USH2A: variants seen among roughly 807,000 people sequenced by gnomAD.
The protein encoded by USH2A is Usher syndrome 2A (autosomal recessive, mild).
USH2A carries 443 observed loss-of-function variants against 538.9 expected under a neutral mutation model. That is an observed-to-expected ratio of 0.82 (90% confidence interval 0.76 to 0.89). The LOEUF (loss-of-function observed/expected upper bound fraction) is 0.89. USH2A is among the 40% of genes least tolerant of loss of function. USH2A has a pLI of 0.00. For synonymous variants in USH2A, 2,413 were observed against 2,273.5 expected (o/e 1.06, Z -1.75); for missense variants, 6,633 against 6,324.8 (o/e 1.05, Z -1.65).
intron 19 of USH2A, among the ~76,000 whole-genome samples, chr1:216,191,902 T>A (rs1327766257): frequency 3.9e-5 from 6 of 152,074 alleles, no homozygotes; most frequent in Admixed American, 1.3e-4. Context: ...TCTACACTAA[T>A]ATTTATTTTG....
chr1:216,108,672 T>C (rs1028420477), intron 21 of USH2A, among the ~76,000 whole-genome samples: 1 of 152,056 alleles, frequency 6.6e-6, no homozygotes, highest in African/African-American at 2.4e-5. Flanking sequence ...TTTCTTTGGT[T>C]ACTTCATAAT....
At chr1:215,755,362 A>G (rs1571653258) in intron 58 of USH2A, among the ~76,000 whole-genome samples, 1 of 152,016 alleles carries the variant, frequency 6.6e-6, no homozygotes, top group South Asian at 2.1e-4. Context: ...TACCTAGAAA[A>G]CTCTTTATAT....
chr1:216,342,955 A>G (rs1021864639), intron 4 of USH2A, among the ~76,000 whole-genome samples: 1 of 152,078 alleles, frequency 6.6e-6, no homozygotes, highest in Non-Finnish European at 1.5e-5. Flanking sequence ...CCTATGTAAC[A>G]AACTTTCACG....
chr1:216,245,724 C>A (rs1213595597), intron 13 of USH2A, among the ~76,000 whole-genome samples: 1 of 152,082 alleles, frequency 6.6e-6, no homozygotes, highest in Non-Finnish European at 1.5e-5. Flanking sequence ...ACACACTGAC[C>A]AATGCCAAAG....
At chr1:216,315,121 T>G (rs1293560300) in intron 9 of USH2A, among the ~76,000 whole-genome samples, 3 of 152,196 alleles carry the variant, frequency 2.0e-5, no homozygotes, top group Non-Finnish European at 4.4e-5. Context: ...AAAGAAGTAA[T>G]AAATATATTA....
chr1:216,145,283 T>G (rs1335019465), intron 21 of USH2A, among the ~76,000 whole-genome samples: 2 of 152,166 alleles, frequency 1.3e-5, no homozygotes, highest in Non-Finnish European at 2.9e-5. Flanking sequence ...CTGTCCTAAC[T>G]AGCTGTGATC....
At chr1:216,415,667 C>T (rs763850320) in intron 3 of USH2A, among the ~76,000 whole-genome samples, 21 of 151,800 alleles carry the variant, frequency 1.4e-4, no homozygotes, top group South Asian at 4.2e-4. Context: ...TCTACAGACA[C>T]GCACCATCAC....
In USH2A at chr1:215,790,244, C is replaced by T. The variant is rs1463290559; in HGVS notation, c.9997G>A (p.Asp3333Asn). ...CCGQDYVNMS[D>N]TICCSASSGE... ...CTGGAAGCTGAGCAGCATATGGTAT[C>T]TGACATATTCACATAATCCTGCCCA... The change falls in exon 51 of 72, where the codon GAT becomes AAT. Residue 3333 changes from aspartate to asparagine, a missense_variant. Transcript: ENST00000307340. The T allele has an allele frequency of 1.2e-6, 2 of 1,614,050 alleles. No individual in the cohort carries two copies. The highest frequency in any genetic ancestry group is 1.7e-6 in the Non-Finnish European group (2 of 1,180,006).
chr1:215,817,501 A>G (rs4390149), intron 47 of USH2A, among the ~76,000 whole-genome samples: 59,465 of 151,588 alleles, frequency 0.39, 12,053 homozygotes, highest in Admixed American at 0.52. Flanking sequence ...CTTGGTAAAC[A>G]AGGTGACAAT....
At chr1:215,674,038 G>T (rs991790072) in intron 63 of USH2A, 62 bp downstream of exon 63, 1 of 1,612,856 alleles carries the variant, frequency 6.2e-7, no homozygotes, top group East Asian at 2.2e-5. Flanking sequence ...CTGACCAAGG[G>T]CTCAGGCAAT....
At chr1:216,036,623 T>G (rs2029987588) in intron 32 of USH2A, among the ~76,000 whole-genome samples, 1 of 152,158 alleles carries the variant, frequency 6.6e-6, no homozygotes, top group African/African-American at 2.4e-5. Flanking sequence ...GTTTGTTTGT[T>G]GCTAGTGTAC....
intron 14 of USH2A, among the ~76,000 whole-genome samples, chr1:216,227,937 TAC>T (rs2035593044): frequency 6.6e-6 from 1 of 152,108 alleles, no homozygotes; most frequent in Non-Finnish European, 1.5e-5. Flanking sequence ...GACCCCACAG[TAC>T]AGCAGAAGGG....
intron 18 of USH2A, 55 bp from the exon 19 acceptor site, chr1:216,196,777 AT>A: frequency 6.4e-7 from 1 of 1,564,074 alleles, no homozygotes; most frequent in Non-Finnish European, 8.7e-7. Flanking sequence ...GTCCCTATAT[AT>A]TTTTAAATTT....
chr1:215,896,097 T>C (rs2102466307), intron 40 of USH2A, among the ~76,000 whole-genome samples: 1 of 152,276 alleles, frequency 6.6e-6, no homozygotes, highest in Non-Finnish European at 1.5e-5. Context: ...CACTGTGTCA[T>C]CAAAATAATG....
At chr1:216,099,952 T>C (rs115562934) in intron 21 of USH2A, among the ~76,000 whole-genome samples, 117 of 152,226 alleles carry the variant, frequency 7.7e-4, no homozygotes, top group African/African-American at 2.7e-3. Flanking sequence ...AAGCCATGTC[T>C]AAGAGACAGA....
chr1:216,155,319 T>C (rs373206879), intron 21 of USH2A, among the ~76,000 whole-genome samples: 1 of 152,258 alleles, frequency 6.6e-6, no homozygotes, highest in East Asian at 1.9e-4. Flanking sequence ...GTAGGTGTAA[T>C]TTTTATAATT....
chr1:215,889,191 G>A, intron 40 of USH2A, 137 bp from the exon 41 acceptor site: 1 of 1,024,564 alleles, frequency 9.8e-7, no homozygotes, highest in African/African-American at 1.6e-5. Flanking sequence ...AAATAAATAA[G>A]TGCCATAAAG....
At chr1:216,136,025 C>G (rs2033481185) in intron 21 of USH2A, among the ~76,000 whole-genome samples, 1 of 152,018 alleles carries the variant, frequency 6.6e-6, no homozygotes, top group Non-Finnish European at 1.5e-5. Context: ...AGTGTGAAGA[C>G]AAATGTGTAT....
intron 47 of USH2A, among the ~76,000 whole-genome samples, chr1:215,821,381 TG>T (rs1032822821): frequency 2.2e-4 from 33 of 151,876 alleles, no homozygotes; most frequent in African/African-American, 7.7e-4. Context: ...GTTGGCCATT[TG>T]TATGTCTTCT....
Sources: allele counts gnomAD v4.1 joint callset (sites outside exome capture counted in the v4.1 genomes callset), GRCh38; gene constraint gnomAD v4.1.1; transcripts MANE v1.5; gene names NCBI Gene and HGNC (gene_info 2026-07-23, HGNC 2026-07-21).